The following PLEKHG4B variants were observed in gnomAD, a reference collection of about 807,000 sequenced individuals.
PLEKHG4B encodes pleckstrin homology and RhoGEF domain containing G4B.
In PLEKHG4B, 111 loss-of-function variants were observed where a neutral mutation model predicts 121.3. The observed-to-expected ratio is 0.92, with a 90% CI of 0.78 to 1.07. The LOEUF is 1.07. Ranked by LOEUF, PLEKHG4B falls within the 50% of genes least tolerant of loss-of-function variation. The probability of loss-of-function intolerance (pLI) is 0.00; values close to 1 mark genes in which losing one functional copy is unlikely to be tolerated. For missense variants in PLEKHG4B, 1,831 were observed against 1,757.8 expected (o/e 1.04, Z -0.74); for synonymous variants, 738 against 725.0 (o/e 1.02, Z -0.29).
At chr5:153,842 A>C (rs1735678889) in intron 7 of PLEKHG4B, among the ~76,000 whole-genome samples, 1 of 151,972 alleles carries the variant, frequency 6.6e-6, no homozygotes, top group Admixed American at 6.6e-5. Context: ...ATGCACTAGC[A>C]CGCTCCACTA....
At chr5:178,057 A>C (rs1310538159) in intron 18 of PLEKHG4B, among the ~76,000 whole-genome samples, 1 of 152,144 alleles carries the variant, frequency 6.6e-6, no homozygotes, top group African/African-American at 2.4e-5. Flanking sequence ...GAACGTGAGG[A>C]TGCCCTGTGT....
At chr5:100,431 A>G (rs1321210148) in intron 1 of PLEKHG4B, among the ~76,000 whole-genome samples, 7 of 138,300 alleles carry the variant, frequency 5.1e-5, no homozygotes, top group Non-Finnish European at 9.3e-5. Context: ...AGGTAAATCC[A>G]TATAAAGCCC....
Position 162,903 on chromosome 5 carries a change from G to C in PLEKHG4B, c.2831G>C (p.Trp944Ser). Residue 944 changes from tryptophan to serine, a missense_variant, in exon 13 of 20, where the codon TGG (tryptophan) becomes TCG (serine). By Grantham distance (177) the Trp-to-Ser change is radical (BLOSUM62 -3). Transcript: ENST00000637938. ...CCGTGGGCATCACAGCAAGACCTGT[G>C]GCTGCAGTACCCCCAGACCCGGCTC... ...GKPWASQQDL[W>S]LQYPQTRLRL... 6.5e-7 allele frequency: 1 copy of C among 1,534,156 alleles called. No individual in the cohort carries two copies. The highest frequency in any genetic ancestry group is 8.8e-7 in the Non-Finnish European group (1 of 1,139,764).
intron 2 of PLEKHG4B, among the ~76,000 whole-genome samples, chr5:138,523 T>C (rs1053052556): frequency 3.3e-5 from 5 of 152,238 alleles, no homozygotes; most frequent in African/African-American, 1.2e-4. Flanking sequence ...CAGTGGCAAA[T>C]GCCCTTTTAA....
At chr5:146,659 C>T (rs993923140) in intron 6 of PLEKHG4B, among the ~76,000 whole-genome samples, 1 of 124,178 alleles carries the variant, frequency 8.1e-6, no homozygotes, top group African/African-American at 3.1e-5. Context: ...TGGAGTCCTC[C>T]CTCATCTCCC....
At chr5:162,680 C>T (rs1319200635) in intron 12 of PLEKHG4B, 42 bp from the exon 13 acceptor site, 1 of 1,309,472 alleles carries the variant, frequency 7.6e-7, no homozygotes, top group Non-Finnish European at 9.8e-7. Context: ...CCAGGGCAGC[C>T]CCTCCTCCAC....
intron 13 of PLEKHG4B, among the ~76,000 whole-genome samples, chr5:164,601 C>T (rs900368389): frequency 7.8e-6 from 1 of 128,466 alleles, no homozygotes; most frequent in Non-Finnish European, 1.7e-5. Flanking sequence ...TGTGACGGAG[C>T]GGAGCTCACA....
Position 157,011 on chromosome 5 carries a change from A to G in PLEKHG4B, c.2487+100A>G. 1.4e-6 allele frequency: 2 copies of G among 1,443,054 alleles called. No homozygotes were observed. The highest frequency in any genetic ancestry group is 1.9e-6 in the Non-Finnish European group (2 of 1,046,384). The allele number at this position is 1,443,054 out of a possible 1,614,324, so 89.4% of individuals were successfully genotyped here. On this transcript the variant is annotated intron_variant, in intron 11 of 19. Transcript: ENST00000637938. The surrounding 1 kb of genome is among the most constrained non-coding windows in gnomAD (Gnocchi z 4.6). ...TTCACACTGTGTCTTTAGGGCCTTG[A>G]TCTGATTTCCATTTGGAATGAAATT...
chr5:142,061 A>G (rs1410501128), intron 3 of PLEKHG4B, among the ~76,000 whole-genome samples: 1 of 152,222 alleles, frequency 6.6e-6, no homozygotes, highest in Non-Finnish European at 1.5e-5. Context: ...AACTTCTGAC[A>G]GGTCCCGGAG....
chr5:152,648 G>T (rs1735644445), intron 7 of PLEKHG4B, among the ~76,000 whole-genome samples: 1 of 152,020 alleles, frequency 6.6e-6, no homozygotes, highest in Admixed American at 6.6e-5. Context: ...ATATCAGGTT[G>T]TTCCCATTGA....
chr5:124,366 A>C (rs148505186), intron 2 of PLEKHG4B, among the ~76,000 whole-genome samples: 2 of 152,316 alleles, frequency 1.3e-5, no homozygotes, highest in Non-Finnish European at 2.9e-5. Context: ...TGCTGGCTAG[A>C]GTGTTCTGCA....
intron 2 of PLEKHG4B, among the ~76,000 whole-genome samples, chr5:123,843 T>C (rs1734535709): frequency 6.6e-6 from 1 of 152,112 alleles, no homozygotes; most frequent in Non-Finnish European, 1.5e-5. Flanking sequence ...GTTTTTCTAT[T>C]CTTTCATGTA....
Position 182,166 on chromosome 5 carries a change from A to G in PLEKHG4B, c.4727A>G (p.His1576Arg). Reference sequence around the variant, plus strand: ...CTGCTTGTGTCCTCCAGCCCAGCCCACCCGGGCCTATGGAGCCCTGCCCAC... The same window carrying G: ...CTGCTTGTGTCCTCCAGCCCAGCCCGCCCGGGCCTATGGAGCCCTGCCCAC... ...LGLLVSSSPA[H>R]PGLWSPAHSP... The change falls in exon 20 of 20, where the codon CAC becomes CGC. Residue 1576 changes from histidine to arginine, a missense_variant. His to Arg is a conservative substitution (Grantham distance 29). Transcript: ENST00000637938. The G allele has an allele frequency of 6.2e-7, 1 of 1,613,798 alleles. No homozygotes were observed.
chr5:165,621 A>G (rs1300254807), intron 13 of PLEKHG4B, among the ~76,000 whole-genome samples: 18 of 26,512 alleles, frequency 6.8e-4, no homozygotes, highest in African/African-American at 1.6e-3. Context: ...GACGGGGCGG[A>G]GCTCACACTA....
chr5:158,016 C>G (rs2126428564), intron 11 of PLEKHG4B, among the ~76,000 whole-genome samples: 1 of 152,292 alleles, frequency 6.6e-6, no homozygotes, highest in African/African-American at 2.4e-5. Context: ...CAAATATTGG[C>G]CAGGGGCCCA....
At chr5:99,209 TATA>T in intron 1 of PLEKHG4B, among the ~76,000 whole-genome samples, 7 of 113,408 alleles carry the variant, frequency 6.2e-5, no homozygotes, top group African/African-American at 1.3e-4. Flanking sequence ...TATATATATA[TATA>T]TTTTGCGATT....
At chr5:154,404 C>T (rs9312840) in intron 7 of PLEKHG4B, among the ~76,000 whole-genome samples, 25,533 of 152,120 alleles carry the variant, frequency 0.17, 2,745 homozygotes, top group African/African-American at 0.3. Context: ...ACGCGGGCAG[C>T]GGCCCTGAGG....
intron 1 of PLEKHG4B, among the ~76,000 whole-genome samples, chr5:94,167 T>A (rs2126322608): frequency 6.6e-6 from 1 of 152,324 alleles, no homozygotes; most frequent in Non-Finnish European, 1.5e-5. Context: ...GTCCTGGTTC[T>A]CCTTCTCCCC....
rs114885385 is a variant in PLEKHG4B at position 181,614 on chromosome 5, C to T, written c.4503C>T (p.Asp1501=). The change falls in exon 19 of 20, where the codon GAC becomes GAT. Residue 1501 remains aspartate (D), a synonymous_variant. Coordinates refer to ENST00000637938, the MANE Select transcript of PLEKHG4B (RefSeq NM_052909.5). ...DRTPDCAVIS[D]RAPKCAVMSD... is the part of the protein sequence containing the mutation. ...CCCCTGACTGTGCAGTGATAAGCGA[C>T]CGGGCTCCCAAATGTGCAGTGATGA... is the stretch of plus-strand genomic sequence containing the variant. 8.5e-3 allele frequency: 13,674 copies of T among 1,613,830 alleles called. 95 individuals are homozygous for T. The highest frequency in any genetic ancestry group is 0.018 in the Admixed American group (1,060 of 60,000).
Sources: gnomAD v4.1 joint callset for allele counts (sites outside exome capture counted in the v4.1 genomes callset) on GRCh38, gnomAD v4.1.1 for gene constraint, Gnocchi (gnomAD v3.1) non-coding constraint, MANE v1.5 for transcripts, NCBI Gene and HGNC (gene_info 2026-07-23, HGNC 2026-07-21) for gene names.